Variants in PRKG1 observed in about 807,000 individuals in gnomAD.
PRKG1 encodes the protein cGMP-dependent protein kinase 1.
In PRKG1, 35 loss-of-function variants were observed where a neutral mutation model predicts 88.1. That is an observed-to-expected ratio of 0.40 (90% confidence interval 0.30 to 0.53). The LOEUF (loss-of-function observed/expected upper bound fraction) is 0.53, where lower values mean the gene tolerates loss of function less well. Ranked by LOEUF, PRKG1 falls within the 20% of genes least tolerant of loss-of-function variation. The pLI is 0.59. For missense variants in PRKG1, 540 were observed against 839.8 expected (o/e 0.64, Z 4.41); for synonymous variants, 303 against 292.5 (o/e 1.04, Z -0.37).
intron 8 of PRKG1, among the ~76,000 whole-genome samples, chr10:52,154,958 T>G (rs1370886402): frequency 6.6e-6 from 1 of 152,218 alleles, no homozygotes; most frequent in Non-Finnish European, 1.5e-5. Flanking sequence ...CAAGTTGCTG[T>G]AAATGTCATT....
At chr10:51,704,720 CAG>C (rs1841563421) in intron 3 of PRKG1, among the ~76,000 whole-genome samples, 1 of 152,108 alleles carries the variant, frequency 6.6e-6, no homozygotes, top group Non-Finnish European at 1.5e-5. Flanking sequence ...TTTACGGCCT[CAG>C]AGGAAACCAA....
chr10:51,194,174 T>C (rs1481026699), intron 2 of PRKG1, among the ~76,000 whole-genome samples: 2 of 152,092 alleles, frequency 1.3e-5, no homozygotes, highest in Non-Finnish European at 2.9e-5. Flanking sequence ...CTACAAAATA[T>C]GGTGTATTTT....
At chr10:51,841,786 G>A (rs938502503) in intron 4 of PRKG1, among the ~76,000 whole-genome samples, 10 of 152,064 alleles carry the variant, frequency 6.6e-5, no homozygotes, top group South Asian at 2.1e-4. Context: ...AGGTTCAAGC[G>A]ATTCTCCTGC....
chr10:51,315,673 A>C lies in PRKG1; in HGVS notation c.479-152050A>C, dbSNP rs559452070. 2.6e-5 allele frequency among the ~76,000 whole-genome samples: 4 copies of C among 152,332 alleles called. No individual in the cohort carries two copies. In the South Asian group the frequency reaches 8.3e-4, roughly 32 times the overall value. On this transcript the variant is annotated intron_variant, in intron 2 of 17. Transcript: ENST00000373980. ...GAGACCACATAGCCAATAAATGGAA[A>C]AGATAATTCAGTTGTGGGCCAATTT...
At chr10:51,127,082 C>T (rs998140615) in intron 1 of PRKG1, among the ~76,000 whole-genome samples, 3 of 152,094 alleles carry the variant, frequency 2.0e-5, no homozygotes, top group Non-Finnish European at 4.4e-5. Flanking sequence ...ACGCCAAAAA[C>T]GATTGCAACA....
At chr10:52,005,298 T>C (rs1284614550) in intron 5 of PRKG1, among the ~76,000 whole-genome samples, 1 of 150,340 alleles carries the variant, frequency 6.7e-6, no homozygotes, top group Non-Finnish European at 1.5e-5. Context: ...ATTTTTGCTA[T>C]GTTGGCCAGG....
intron 9 of PRKG1, among the ~76,000 whole-genome samples, chr10:52,178,017 A>T (rs187904066): frequency 7.0e-6 from 1 of 143,328 alleles, no homozygotes; most frequent in Non-Finnish European, 1.5e-5. Context: ...GATATTTACT[A>T]TTTCTTCCCT....
intron 4 of PRKG1, among the ~76,000 whole-genome samples, chr10:51,829,448 C>G (rs1056357692): frequency 1.3e-5 from 2 of 152,068 alleles, no homozygotes; most frequent in Admixed American, 6.6e-5. Flanking sequence ...AAGCCTAACT[C>G]TTTTCTAGTT....
intron 1 of PRKG1, among the ~76,000 whole-genome samples, chr10:51,137,021 A>T (rs549714502): frequency 1.3e-5 from 2 of 152,040 alleles, no homozygotes; most frequent in Non-Finnish European, 2.9e-5. Flanking sequence ...AGTAGCTGGG[A>T]CTACAGGCGC....
chr10:51,319,530 G>T (rs1048735520), intron 2 of PRKG1, among the ~76,000 whole-genome samples: 1 of 152,136 alleles, frequency 6.6e-6, no homozygotes, highest in African/African-American at 2.4e-5. Context: ...GAACAGCAAG[G>T]AGATTCTTTA....
At chr10:51,851,948 C>T (rs916679743) in intron 4 of PRKG1, among the ~76,000 whole-genome samples, 2 of 151,996 alleles carry the variant, frequency 1.3e-5, no homozygotes, top group Admixed American at 6.6e-5. Context: ...ATTAGTGATG[C>T]TCGCCATGGT....
At chr10:51,888,885 C>A (rs2132900022) in intron 4 of PRKG1, among the ~76,000 whole-genome samples, 1 of 152,198 alleles carries the variant, frequency 6.6e-6, no homozygotes, top group Non-Finnish European at 1.5e-5. Context: ...CTCTATGTCA[C>A]TGACAAGAAA....
intron 9 of PRKG1, among the ~76,000 whole-genome samples, chr10:52,180,126 CTT>C (rs374813074): frequency 5.3e-5 from 8 of 152,092 alleles, no homozygotes; most frequent in African/African-American, 1.9e-4. Flanking sequence ...TTTTTCCTCT[CTT>C]TGTCTGCCTG....
chr10:51,779,434 C>A (rs898816276), intron 3 of PRKG1, among the ~76,000 whole-genome samples: 1 of 152,108 alleles, frequency 6.6e-6, no homozygotes, highest in African/African-American at 2.4e-5. Flanking sequence ...CTGGACAACC[C>A]ACTACTATTA....
intron 3 of PRKG1, chr10:51,568,848 G>A (rs377090545): frequency 6.6e-6 from 1 of 151,976 alleles, no homozygotes; most frequent in Non-Finnish European, 1.5e-5. Flanking sequence ...AGCGACCATT[G>A]GTCAACTTGT....
intron 1 of PRKG1, chr10:51,148,346 A>T (rs1845988715): frequency 7.1e-6 from 6 of 841,074 alleles, no homozygotes; most frequent in Non-Finnish European, 8.6e-6. Flanking sequence ...TTAGTGAGTG[A>T]TGTTTTTGGT....
At chr10:51,454,184 G>C (rs1160400204) in intron 2 of PRKG1, among the ~76,000 whole-genome samples, 1 of 151,844 alleles carries the variant, frequency 6.6e-6, no homozygotes. Flanking sequence ...GCAATCTAAG[G>C]ATTCAATGCA....
chr10:51,153,407 C>T, intron 2 of PRKG1, 77 bp downstream of exon 2: 1 of 1,318,706 alleles, frequency 7.6e-7, no homozygotes, highest in South Asian at 1.9e-5. Context: ...GATGGCAATG[C>T]ATTACATGGA....
intron 5 of PRKG1, among the ~76,000 whole-genome samples, chr10:51,953,759 G>GT (rs1225464888): frequency 3.3e-5 from 5 of 151,710 alleles, no homozygotes; most frequent in South Asian, 2.1e-4. Flanking sequence ...CAACAAAAAC[G>GT]TAAGTGGTGT....
Sources: gnomAD v4.1 joint callset for allele counts (sites outside exome capture counted in the v4.1 genomes callset) on GRCh38, gnomAD v4.1.1 for gene constraint, MANE v1.5 for transcripts, NCBI Gene and HGNC (gene_info 2026-07-23, HGNC 2026-07-21) for gene names.